The following PTPRB variants were observed in gnomAD, a reference collection of about 807,000 sequenced individuals.
PTPRB encodes the protein protein tyrosine phosphatase receptor type B, also known as receptor-type tyrosine-protein phosphatase beta.
Under a neutral mutation model 238.1 loss-of-function variants are expected in PTPRB, and 97 were observed. That is an observed-to-expected ratio of 0.41 (90% CI 0.35 to 0.48). The LOEUF is 0.48. Ranked by LOEUF, PTPRB falls within the 20% of genes least tolerant of loss-of-function variation. The pLI is 0.30. For missense variants in PTPRB, 2,292 were observed against 2,681.9 expected (o/e 0.85, Z 3.21); for synonymous variants, 970 against 995.4 (o/e 0.97, Z 0.48).
rs1380741891 is a variant in PTPRB, at chr12:70,558,964, T to A, written c.4714+379A>T. ...AATATTCTCCACTTCTTCCCCTACCTCTACCTGGTAAATCTCTTGCTTTAG... is the reference window on the plus strand; with the variant it reads ...AATATTCTCCACTTCTTCCCCTACCACTACCTGGTAAATCTCTTGCTTTAG... On this transcript the variant is annotated intron_variant, in intron 18 of 33. Transcript: ENST00000334414. 5 of 329,022 alleles carry A rather than the reference T, an allele frequency of 1.5e-5. No individual in the cohort carries two copies. The East Asian group carries it at 2.7e-4, about 18-fold the overall frequency. The allele number at this position is 329,022 out of a possible 1,614,324, so 20.4% of individuals were successfully genotyped here. A position where few individuals can be genotyped will look rare whatever the true frequency, so the allele number is the denominator to read the frequency against.
intron 14 of PTPRB, 145 bp from the exon 15 acceptor site, chr12:70,566,849 T>C (rs369369456): frequency 2.3e-6 from 2 of 856,146 alleles, no homozygotes. Context: ...CTGTGTGCCC[T>C]TATGGAGAAA....
chr12:70,577,149 C>A (rs1225568509), intron 10 of PTPRB, among the ~76,000 whole-genome samples: 1 of 152,044 alleles, frequency 6.6e-6, no homozygotes, highest in Non-Finnish European at 1.5e-5. Flanking sequence ...GTTATTCATT[C>A]CTGGGAAGTA....
At chr12:70,559,995 C>T (rs1222114391) in intron 17 of PTPRB, among the ~76,000 whole-genome samples, 1 of 151,870 alleles carries the variant, frequency 6.6e-6, no homozygotes, top group Admixed American at 6.6e-5. Flanking sequence ...CACCACTACA[C>T]CTGGCTAATT....
chr12:70,624,880 G>C (rs977586838), intron 2 of PTPRB, among the ~76,000 whole-genome samples: 2 of 152,068 alleles, frequency 1.3e-5, no homozygotes, highest in Non-Finnish European at 2.9e-5. Context: ...AAAAAAATTA[G>C]TCAGCTTACA....
intron 1 of PTPRB, among the ~76,000 whole-genome samples, chr12:70,636,684 C>T (rs2136622592): frequency 6.6e-6 from 1 of 152,248 alleles, no homozygotes. Context: ...ACTAAATTTC[C>T]TTTAGTCGTG....
At chr12:70,559,288 A>G (rs754089900) in intron 18 of PTPRB, 55 bp downstream of exon 18, 1 of 1,519,700 alleles carries the variant, frequency 6.6e-7, no homozygotes, top group South Asian at 1.1e-5. Flanking sequence ...TAAGATGTTG[A>G]ACATATACTT....
chr12:70,570,216 C>T (rs1043969536), intron 13 of PTPRB, among the ~76,000 whole-genome samples: 1 of 152,216 alleles, frequency 6.6e-6, no homozygotes, highest in African/African-American at 2.4e-5. Flanking sequence ...TTGGTTTTCT[C>T]ACTCACTAGC....
rs1871390478 is a variant in PTPRB at position 70,518,855 on chromosome 12, TTGA to T, written c.*2631_*2633del. ...GATAGCTCAAAAGCACTTTGAAGTC[TTGA>T]TGATTAAAGTGTACTGCACAGGTAC... On this transcript the variant is annotated 3_prime_UTR_variant, in exon 34 of 34. Transcript: ENST00000334414. The T allele has an allele frequency of 6.6e-6, 1 of 152,174 alleles. No individual in the cohort carries two copies. The highest frequency in any genetic ancestry group is 6.5e-5 in the Admixed American group (1 of 15,274). 9.4% of individuals were successfully genotyped at this position (152,174 alleles called of 1,614,324 possible).
At chr12:70,578,335 G>C in intron 10 of PTPRB, among the ~76,000 whole-genome samples, 1 of 152,064 alleles carries the variant, frequency 6.6e-6, no homozygotes, top group Non-Finnish European at 1.5e-5. Flanking sequence ...GGATTATCAA[G>C]GCCTTACCCA....
intron 14 of PTPRB, among the ~76,000 whole-genome samples, chr12:70,569,180 G>A (rs1181516925): frequency 6.6e-6 from 1 of 152,090 alleles, no homozygotes; most frequent in African/African-American, 2.4e-5. Flanking sequence ...ACGACTCACT[G>A]CAGCCTTGAC....
At chr12:70,531,925 C>T (rs367841723) in intron 32 of PTPRB, 110 bp downstream of exon 32, 31 of 1,265,140 alleles carry the variant, frequency 2.5e-5, no homozygotes, top group African/African-American at 1.7e-4. Flanking sequence ...TTTTTCTCTT[C>T]CTAATGTGTC....
intron 2 of PTPRB, among the ~76,000 whole-genome samples, chr12:70,623,486 AG>A (rs1379288477): frequency 1.3e-5 from 2 of 152,192 alleles, no homozygotes; most frequent in Admixed American, 1.3e-4. Flanking sequence ...ACAAGCTCTC[AG>A]GTGATGCTGA....
At chr12:70,554,728 A>C (rs1877388162) in intron 20 of PTPRB, among the ~76,000 whole-genome samples, 1 of 152,180 alleles carries the variant, frequency 6.6e-6, no homozygotes, top group Non-Finnish European at 1.5e-5. Flanking sequence ...CAGTTGAGGC[A>C]TTTGAGACAG....
chr12:70,532,249 A>G (rs1873369512), intron 31 of PTPRB, 79 bp from the exon 32 acceptor site: 7 of 1,429,152 alleles, frequency 4.9e-6, no homozygotes, highest in Non-Finnish European at 6.4e-6. Context: ...CTCTGGCACA[A>G]TCTTTTTTTT....
intron 2 of PTPRB, among the ~76,000 whole-genome samples, 193 bp downstream of exon 2, chr12:70,635,478 T>C (rs983721186): frequency 1.3e-5 from 2 of 152,184 alleles, no homozygotes; most frequent in African/African-American, 2.4e-5. Flanking sequence ...CTTATTTTAA[T>C]GAGGGTCATG....
At chr12:70,628,099 G>A (rs1280813647) in intron 2 of PTPRB, among the ~76,000 whole-genome samples, 1 of 152,016 alleles carries the variant, frequency 6.6e-6, no homozygotes, top group Non-Finnish European at 1.5e-5. Context: ...TCTCTTTTAG[G>A]GATTTTACCG....
At chr12:70,635,123 C>G (rs1885623463) in intron 2 of PTPRB, among the ~76,000 whole-genome samples, 1 of 152,098 alleles carries the variant, frequency 6.6e-6, no homozygotes, top group African/African-American at 2.4e-5. Flanking sequence ...CCCATTGATT[C>G]TTAACATTTC....
At chr12:70,635,093 A>G (rs1275048653) in intron 2 of PTPRB, among the ~76,000 whole-genome samples, 2 of 152,218 alleles carry the variant, frequency 1.3e-5, no homozygotes, top group African/African-American at 2.4e-5. Flanking sequence ...TGGTCAATAA[A>G]TTAGAAAAAT....
chr12:70,571,414 A>G (rs1207487257), intron 12 of PTPRB, 125 bp from the exon 13 acceptor site: 5 of 951,690 alleles, frequency 5.3e-6, no homozygotes, highest in Non-Finnish European at 6.1e-6. Context: ...CACTAGCACT[A>G]CTTCATGCAT....
Sources: allele counts gnomAD v4.1 joint callset (sites outside exome capture counted in the v4.1 genomes callset), GRCh38; gene constraint gnomAD v4.1.1; transcripts MANE v1.5; gene names NCBI Gene and HGNC (gene_info 2026-07-23, HGNC 2026-07-21).